Variants in LDLRAD3 observed in about 807,000 individuals in gnomAD.
LDLRAD3 encodes the protein low-density lipoprotein receptor class A domain-containing protein 3.
A neutral mutation model predicts 29.4 loss-of-function variants in LDLRAD3; 20 were observed. The observed-to-expected ratio is 0.68, with a 90% CI of 0.48 to 0.99. LDLRAD3 has a LOEUF of 0.99. Ranked by LOEUF, LDLRAD3 falls within the 50% of genes least tolerant of loss-of-function variation. LDLRAD3 has a pLI of 0.00. For synonymous variants in LDLRAD3, 157 were observed against 192.7 expected, an observed-to-expected ratio of 0.81 and a Z score of 1.53; for missense variants, 420 against 454.3, an observed-to-expected ratio of 0.92 and a Z score of 0.69.
At chr11:36,056,145 G>T (rs1002737676) in intron 2 of LDLRAD3, among the ~76,000 whole-genome samples, 2 of 151,888 alleles carry the variant, frequency 1.3e-5, no homozygotes, top group Non-Finnish European at 2.9e-5. Context: ...ACAGTCATGC[G>T]CCACTACGCC....
intron 4 of LDLRAD3, among the ~76,000 whole-genome samples, chr11:36,105,205 TTG>T (rs10565208): frequency 0.05 from 6,936 of 137,954 alleles, 196 homozygotes; most frequent in African/African-American, 0.068. Flanking sequence ...TCTGCAGAAT[TTG>T]TGTGTGTGTG....
intron 4 of LDLRAD3, among the ~76,000 whole-genome samples, chr11:36,211,934 G>A (rs1855288687): frequency 6.6e-6 from 1 of 152,166 alleles, no homozygotes; most frequent in South Asian, 2.1e-4. Flanking sequence ...CTATTGTATT[G>A]TAATTGGCCA....
At chr11:36,140,999 T>TCTCC (rs1465749044) in intron 4 of LDLRAD3, among the ~76,000 whole-genome samples, 10 of 104,904 alleles carry the variant, frequency 9.5e-5, no homozygotes, top group African/African-American at 4.3e-4. Flanking sequence ...GCTTTCTCTC[T>TCTCC]CTCTCTCTCT....
At chr11:36,198,659 C>T (rs1855070739) in intron 4 of LDLRAD3, among the ~76,000 whole-genome samples, 1 of 152,224 alleles carries the variant, frequency 6.6e-6, no homozygotes, top group Non-Finnish European at 1.5e-5. Context: ...GCTCTTGGCA[C>T]ACACCTAGCT....
At chr11:35,947,382 C>T (rs1403748040) in intron 1 of LDLRAD3, among the ~76,000 whole-genome samples, 4 of 151,786 alleles carry the variant, frequency 2.6e-5, no homozygotes, top group Admixed American at 6.6e-5. Flanking sequence ...TGGTGACGTG[C>T]GCCTGTAATC....
At chr11:36,202,402 A>ATAT (rs1406233418) in intron 4 of LDLRAD3, among the ~76,000 whole-genome samples, 1 of 152,160 alleles carries the variant, frequency 6.6e-6, no homozygotes, top group Non-Finnish European at 1.5e-5. Flanking sequence ...CCCAATAATA[A>ATAT]TAGTAACAGC....
At chr11:36,102,154 C>T (rs1853459474) in intron 4 of LDLRAD3, 1 of 172,956 alleles carries the variant, frequency 5.8e-6, no homozygotes, top group Admixed American at 6.1e-5. Flanking sequence ...TCCCAAAGTT[C>T]TGGGATTACA....
chr11:36,024,921 C>CTAGGG (rs1335881231), intron 1 of LDLRAD3, among the ~76,000 whole-genome samples: 4 of 152,254 alleles, frequency 2.6e-5, no homozygotes, highest in African/African-American at 9.6e-5. Context: ...GACCTACTGG[C>CTAGGG]TAGGCCTTGC....
chr11:36,207,617 TCCAGCCTGGGTGTTGG>T (rs1012873499), intron 4 of LDLRAD3, among the ~76,000 whole-genome samples: 1 of 152,062 alleles, frequency 6.6e-6, no homozygotes, highest in African/African-American at 2.4e-5. Flanking sequence ...GCCACTGCAC[TCCAGCCTGGGTGTTGG>T]AGTGTGAAGG....
intron 4 of LDLRAD3, among the ~76,000 whole-genome samples, chr11:36,127,283 G>T (rs964552851): frequency 6.6e-6 from 1 of 152,170 alleles, no homozygotes. Flanking sequence ...TTAAACAGAG[G>T]TTTGAAGGAT....
chr11:36,153,253 C>T (rs1590313968), intron 4 of LDLRAD3, among the ~76,000 whole-genome samples: 2 of 152,038 alleles, frequency 1.3e-5, no homozygotes, highest in South Asian at 2.1e-4. Flanking sequence ...CAGAACAGGT[C>T]CTCCTGCAGC....
intron 4 of LDLRAD3, among the ~76,000 whole-genome samples, chr11:36,204,735 T>C (rs1855181996): frequency 2.0e-5 from 3 of 152,210 alleles, no homozygotes; most frequent in Admixed American, 2.0e-4. Flanking sequence ...GTAATCCACC[T>C]GCCTCGGCTT....
At chr11:36,132,130 GTGTCC>G (rs1344657844) in intron 4 of LDLRAD3, among the ~76,000 whole-genome samples, 4 of 151,942 alleles carry the variant, frequency 2.6e-5, no homozygotes, top group African/African-American at 9.7e-5. Context: ...TCAGAACAGT[GTGTCC>G]CTTTGAAGTT....
intron 4 of LDLRAD3, among the ~76,000 whole-genome samples, chr11:36,117,814 G>T (rs1853695811): frequency 6.6e-6 from 1 of 152,190 alleles, no homozygotes; most frequent in African/African-American, 2.4e-5. Flanking sequence ...TAATATGGTG[G>T]TAAAATTCAG....
chr11:36,145,417 T>C (rs1210560673), intron 4 of LDLRAD3, among the ~76,000 whole-genome samples: 6 of 106,136 alleles, frequency 5.7e-5, no homozygotes, highest in African/African-American at 8.7e-5. Flanking sequence ...AGCCACCCCA[T>C]CCGGGAGGTG....
intron 1 of LDLRAD3, among the ~76,000 whole-genome samples, chr11:35,958,328 G>A (rs533540401): frequency 1.3e-5 from 2 of 152,324 alleles, no homozygotes; most frequent in African/African-American, 2.4e-5. Context: ...CAGTGTTACT[G>A]TAGAATAATT....
intron 4 of LDLRAD3, among the ~76,000 whole-genome samples, chr11:36,119,195 T>A (rs1304854): frequency 0.43 from 65,445 of 152,124 alleles, 14,989 homozygotes; most frequent in Admixed American, 0.51. Flanking sequence ...AAGAACACTC[T>A]TGATTCTAAC....
intron 2 of LDLRAD3, among the ~76,000 whole-genome samples, chr11:36,051,315 T>C (rs953622950): frequency 1.3e-5 from 2 of 152,140 alleles, no homozygotes; most frequent in East Asian, 1.9e-4. Flanking sequence ...GAAGTAGCCA[T>C]GTGCTTGGTG....
intron 1 of LDLRAD3, among the ~76,000 whole-genome samples, chr11:36,017,213 C>G (rs775027519): frequency 7.9e-5 from 12 of 152,160 alleles, no homozygotes; most frequent in Non-Finnish European, 1.8e-4. Flanking sequence ...CAAAAAATTG[C>G]CCTGTTGGAT....
Sources: allele counts gnomAD v4.1 joint callset (sites outside exome capture counted in the v4.1 genomes callset), GRCh38; gene constraint gnomAD v4.1.1; transcripts MANE v1.5; gene names NCBI Gene and HGNC (gene_info 2026-07-23, HGNC 2026-07-21).